Variants in CIT observed in about 807,000 individuals in gnomAD.
CIT encodes citron rho-interacting serine/threonine kinase, also known as citron Rho-interacting kinase.
CIT carries 79 observed loss-of-function variants against 272.7 expected under a neutral mutation model. The observed-to-expected ratio is 0.29, with a 90% CI of 0.24 to 0.35. The LOEUF (loss-of-function observed/expected upper bound fraction) is 0.35. Among genes scored for constraint, CIT ranks in the 10% least tolerant of loss-of-function variants. The pLI, the probability that CIT is intolerant of heterozygous loss-of-function variation, is 1.00. For synonymous variants in CIT, 948 were observed against 995.6 expected, an observed-to-expected ratio of 0.95 and a Z score of 0.90; for missense variants, 1,909 against 2,618.3, an observed-to-expected ratio of 0.73 and a Z score of 5.91.
chr12:119,787,096 C>G (rs1040888597), intron 10 of CIT, among the ~76,000 whole-genome samples: 1 of 152,120 alleles, frequency 6.6e-6, no homozygotes, highest in Non-Finnish European at 1.5e-5. Context: ...TCCCCAGTAA[C>G]TGGAACTACA....
intron 19 of CIT, among the ~76,000 whole-genome samples, chr12:119,762,908 T>C (rs1566005839): frequency 6.6e-6 from 1 of 152,168 alleles, no homozygotes; most frequent in Non-Finnish European, 1.5e-5. Flanking sequence ...TAGCTGGGCA[T>C]GGTGTTGTAC....
chr12:119,812,818 C>G (rs974788969), intron 9 of CIT, among the ~76,000 whole-genome samples: 1 of 151,014 alleles, frequency 6.6e-6, no homozygotes, highest in Non-Finnish European at 1.5e-5. Context: ...CGGCTAGTCT[C>G]ACCCTTCTAC....
chr12:119,694,208 A>G lies in CIT; in HGVS notation c.5882+3451T>C, dbSNP rs1956105959. Reference sequence around the variant, plus strand: ...TCCACACTGTCCATCAGATTTACAAATCCACATCAGCCATCACCCATTCAC... The same window carrying G: ...TCCACACTGTCCATCAGATTTACAAGTCCACATCAGCCATCACCCATTCAC... On this transcript the variant is annotated intron_variant, in intron 46 of 47. Transcript: ENST00000392521. This position sits in a 1 kb window ranked among gnomAD's most constrained non-coding sequence, Gnocchi z 4.5. Among the ~76,000 whole-genome samples, 3 of 152,154 alleles carry G rather than the reference A, an allele frequency of 2.0e-5. No individual in the cohort carries two copies. Among genetic ancestry groups the G allele is most frequent in the Admixed American group, 6.5e-5 (1 of 15,270 alleles).
At chr12:119,793,735 C>T (rs1245904634) in intron 10 of CIT, among the ~76,000 whole-genome samples, 1 of 152,222 alleles carries the variant, frequency 6.6e-6, no homozygotes, top group African/African-American at 2.4e-5. Flanking sequence ...TATTGATATT[C>T]TGGAAGAATG....
At chr12:119,829,096 G>A (rs1459562485) in intron 7 of CIT, among the ~76,000 whole-genome samples, 1 of 152,084 alleles carries the variant, frequency 6.6e-6, no homozygotes, top group African/African-American at 2.4e-5. Context: ...AAGCAGATGA[G>A]GAAGAAAGAA....
chr12:119,790,220 A>G (rs1371518436), intron 10 of CIT, among the ~76,000 whole-genome samples: 1 of 152,024 alleles, frequency 6.6e-6, no homozygotes, highest in Non-Finnish European at 1.5e-5. Context: ...ATATTATCAC[A>G]TATATATTAT....
In CIT at chr12:119,729,922, G is replaced by A. The variant is rs1233729263; in HGVS notation, c.3486+573C>T. On this transcript the variant is annotated intron_variant, in intron 27 of 47. Transcript: ENST00000392521. ...TCTGTAACGCTGAAGCGCCTATTCT[G>A]TATCTCTCTCAAGATTATTAGCTAA... Among the ~76,000 whole-genome samples, 4 of 152,160 alleles carry A rather than the reference G, an allele frequency of 2.6e-5. No homozygotes were observed. The East Asian group carries it at 7.7e-4, about 29-fold the overall frequency.
At chr12:119,760,852 G>C in intron 20 of CIT, 87 bp downstream of exon 20, 1 of 859,338 alleles carries the variant, frequency 1.2e-6, no homozygotes, top group Non-Finnish European at 2.0e-6. Context: ...AATTTCACCA[G>C]GTGAAATAGA....
chr12:119,728,110 G>A lies in CIT; in HGVS notation c.3591+392C>T, dbSNP rs1341925383. On this transcript the variant is annotated intron_variant, in intron 28 of 47. Coordinates refer to ENST00000392521, the MANE Select transcript of CIT (RefSeq NM_001206999.2). This position sits in a 1 kb window ranked among gnomAD's most constrained non-coding sequence, Gnocchi z 4.3. ...GCAAAAAGATCAGTGGCTGCCAGGA[G>A]TTGAGGGTGGGGAGGGATGAACAGG... 6.6e-6 allele frequency among the ~76,000 whole-genome samples: 1 copy of A among 152,194 alleles called. No individual in the cohort carries two copies. The highest frequency in any genetic ancestry group is 1.5e-5 in the Non-Finnish European group (1 of 68,030).
At chr12:119,750,790 TAGATAGAG>T (rs969932180) in intron 23 of CIT, among the ~76,000 whole-genome samples, 11 of 136,208 alleles carry the variant, frequency 8.1e-5, no homozygotes, top group African/African-American at 2.8e-4. Context: ...GATAGATAGA[TAGATAGAG>T]ATATAGAGAT....
At chr12:119,758,939 T>C (rs1427527826) in intron 20 of CIT, among the ~76,000 whole-genome samples, 1 of 152,182 alleles carries the variant, frequency 6.6e-6, no homozygotes, top group Non-Finnish European at 1.5e-5. Flanking sequence ...AAAACAGACA[T>C]AAGGACCTAT....
In CIT at chr12:119,712,841, G is replaced by A. The variant is rs1957238195; in HGVS notation, c.4580-146C>T. The A allele has an allele frequency of 4.6e-6, 3 of 650,006 alleles. No individual in the cohort carries two copies. The highest frequency in any genetic ancestry group is 8.1e-6 in the Non-Finnish European group (3 of 371,418). The allele number at this position is 650,006 out of a possible 1,614,324, so 40.3% of individuals were successfully genotyped here. A position where few individuals can be genotyped will look rare whatever the true frequency, so the allele number is the denominator to read the frequency against. On this transcript the variant is annotated intron_variant, in intron 35 of 47. Coordinates refer to ENST00000392521, the MANE Select transcript of CIT (RefSeq NM_001206999.2). The surrounding 1 kb of genome is among the most constrained non-coding windows in gnomAD (Gnocchi z 5.2). ...CGCACGAGAACAAGGAAGGGACAGA[G>A]GTGTGCAGAGAAGGCAGAGAGGGAA...
At chr12:119,735,075 G>A (rs1958679181) in intron 25 of CIT, 85 bp downstream of exon 25, 1 of 1,309,942 alleles carries the variant, frequency 7.6e-7, no homozygotes, top group Non-Finnish European at 1.1e-6. Context: ...TTCAGTGTTG[G>A]AACCCTTGGG....
chr12:119,850,308 A>G (rs768424287), intron 4 of CIT, 33 bp from the exon 5 acceptor site: 2 of 1,401,526 alleles, frequency 1.4e-6, no homozygotes, highest in East Asian at 4.6e-5. Flanking sequence ...AGACAATTAT[A>G]AAGAACTGTG....
At chr12:119,725,107 C>T (rs1326463202) in intron 28 of CIT, among the ~76,000 whole-genome samples, 1 of 152,028 alleles carries the variant, frequency 6.6e-6, no homozygotes. Context: ...AATTCTGAGA[C>T]TTTGATTCTG....
In CIT at chr12:119,712,523, CT is replaced by C; in HGVS notation, c.4684+67del. On this transcript the variant is annotated intron_variant, in intron 36 of 47. Transcript: ENST00000392521. This position sits in a 1 kb window ranked among gnomAD's most constrained non-coding sequence, Gnocchi z 5.2. ...AGAGCCAATCTTCCCTGTACCACCC[CT>C]TCTGTCCCTGCTGATTGGCCAAGCC... is the stretch of plus-strand genomic sequence containing the variant. 6.7e-7 allele frequency: 1 copy of C among 1,483,328 alleles called. No homozygotes were observed. Among genetic ancestry groups the C allele is most frequent in the East Asian group, 2.3e-5 (1 of 44,280 alleles). The allele number at this position is 1,483,328 out of a possible 1,614,324, so 91.9% of individuals were successfully genotyped here. A position where few individuals can be genotyped will look rare whatever the true frequency, so the allele number is the denominator to read the frequency against.
intron 9 of CIT, among the ~76,000 whole-genome samples, chr12:119,816,511 C>T (rs1967199392): frequency 6.6e-6 from 1 of 152,146 alleles, no homozygotes; most frequent in South Asian, 2.1e-4. Flanking sequence ...CAATTTCTTC[C>T]TCTTGCAGGG....
intron 4 of CIT, among the ~76,000 whole-genome samples, chr12:119,851,594 T>C (rs1970225141): frequency 6.6e-6 from 1 of 152,116 alleles, no homozygotes; most frequent in Non-Finnish European, 1.5e-5. Context: ...CCTAAAAAGG[T>C]TCTCAGTGGC....
chr12:119,738,183 C>T (rs553499140), intron 24 of CIT, among the ~76,000 whole-genome samples: 90 of 152,278 alleles, frequency 5.9e-4, no homozygotes, highest in African/African-American at 1.9e-3. Context: ...TACATTCTTG[C>T]CCCCTGAACC....
Sources: gnomAD v4.1 joint callset for allele counts (sites outside exome capture counted in the v4.1 genomes callset) on GRCh38, gnomAD v4.1.1 for gene constraint, Gnocchi (gnomAD v3.1) non-coding constraint, MANE v1.5 for transcripts, NCBI Gene and HGNC (gene_info 2026-07-23, HGNC 2026-07-21) for gene names.